The following DYNC2H1 variants were observed in gnomAD, a reference collection of about 807,000 sequenced individuals.
DYNC2H1 encodes the protein cytoplasmic dynein 2 heavy chain 1.
DYNC2H1 carries 410 observed loss-of-function variants against 570.0 expected under a neutral mutation model. The ratio of observed to expected loss-of-function variants is 0.72; its 90% CI spans 0.66 to 0.78. The LOEUF is 0.78. Among genes scored for constraint, DYNC2H1 ranks in the 30% least tolerant of loss-of-function variants. The pLI, the probability that DYNC2H1 is intolerant of heterozygous loss-of-function variation, is 0.00. For missense variants in DYNC2H1, 4,865 were observed against 5,046.4 expected, an observed-to-expected ratio of 0.96 and a Z score of 1.09; for synonymous variants, 1,688 against 1,677.6, an observed-to-expected ratio of 1.01 and a Z score of -0.15.
At chr11:103,271,860 A>G (rs2135309504) in intron 70 of DYNC2H1, among the ~76,000 whole-genome samples, 1 of 152,332 alleles carries the variant, frequency 6.6e-6, no homozygotes, top group South Asian at 2.1e-4. Flanking sequence ...ATGCAAATCA[A>G]AACCACAATG....
Position 103,241,613 on chromosome 11 carries a change from T to C in DYNC2H1, c.9820-2080T>C, listed in dbSNP as rs1453750113. 5 of 1,330,868 alleles carry C rather than the reference T, an allele frequency of 3.8e-6. No individual in the cohort carries two copies. The African/African-American group carries it at 5.9e-5, about 16-fold the overall frequency. 82.4% of individuals were successfully genotyped at this position (1,330,868 alleles called of 1,614,324 possible). A position where few individuals can be genotyped will look rare whatever the true frequency, so the allele number is the denominator to read the frequency against. On this transcript the variant is annotated intron_variant, in intron 63 of 88. Coordinates refer to ENST00000375735, the MANE Select transcript of DYNC2H1 (RefSeq NM_001377.3). The surrounding 1 kb of genome is among the most constrained non-coding windows in gnomAD (Gnocchi z 5.1). ...TTAGGCAAAATGCAGAATTGTGAAA[T>C]GTGTGCTATTGAATGCTAGCATAAA... is the stretch of plus-strand genomic sequence containing the variant.
At chr11:103,389,640 A>G (rs1021274821) in intron 83 of DYNC2H1, among the ~76,000 whole-genome samples, 1 of 151,964 alleles carries the variant, frequency 6.6e-6, no homozygotes, top group African/African-American at 2.4e-5. Context: ...ATTTAGTGCT[A>G]TAAATTTCCC....
intron 84 of DYNC2H1, among the ~76,000 whole-genome samples, chr11:103,427,195 G>A (rs1205379221): frequency 6.6e-6 from 1 of 152,028 alleles, no homozygotes; most frequent in African/African-American, 2.4e-5. Flanking sequence ...CATGATATTG[G>A]CCTAAATGAA....
chr11:103,244,732 A>C lies in DYNC2H1; in HGVS notation c.9919-519A>C, dbSNP rs1485538274. Among the ~76,000 whole-genome samples the C allele has an allele frequency of 6.7e-6, 1 of 148,256 alleles. No individual in the cohort carries two copies. The highest frequency in any genetic ancestry group is 1.5e-5 in the Non-Finnish European group (1 of 67,218). On this transcript the variant is annotated intron_variant, in intron 64 of 88. Coordinates refer to ENST00000375735, the MANE Select transcript of DYNC2H1 (RefSeq NM_001377.3). This position sits in a 1 kb window ranked among gnomAD's most constrained non-coding sequence, Gnocchi z 4.3. ...TATACTATATATCTTATATACATATAAGTATATAAATATACTATATATATC... is the reference window on the plus strand; with the variant it reads ...TATACTATATATCTTATATACATATCAGTATATAAATATACTATATATATC...
At chr11:103,456,214 C>A in intron 86 of DYNC2H1, 61 bp from the exon 87 acceptor site, 1 of 1,274,614 alleles carries the variant, frequency 7.8e-7, no homozygotes, top group Admixed American at 2.1e-5. Context: ...TCTTCAGTTA[C>A]TCTTCATATT....
At chr11:103,143,448 C>T in intron 18 of DYNC2H1, 53 bp downstream of exon 18, 1 of 1,507,282 alleles carries the variant, frequency 6.6e-7, no homozygotes, top group South Asian at 1.4e-5. Context: ...TTGACATGGA[C>T]AGTAAGGGAG....
At position 103,111,695 on chromosome 11, in the gene DYNC2H1, T is replaced by A. The variant is rs988875474; in HGVS notation, c.196-1842T>A. ...TTTGAAAGTTGAAGGTAGAACTTTT[T>A]TTTTTTAAGTTAAAGCTATTACTAG... is the stretch of plus-strand genomic sequence containing the variant. On this transcript the variant is annotated intron_variant, in intron 1 of 88. Coordinates refer to ENST00000375735, the MANE Select transcript of DYNC2H1 (RefSeq NM_001377.3). Among the ~76,000 whole-genome samples, 8 of 152,352 alleles carry A rather than the reference T, an allele frequency of 5.3e-5. No individual in the cohort carries two copies. In the East Asian group the frequency reaches 1.5e-3, roughly 29 times the overall value.
intron 85 of DYNC2H1, among the ~76,000 whole-genome samples, chr11:103,452,274 A>C (rs1302925177): frequency 6.6e-6 from 1 of 152,118 alleles, no homozygotes; most frequent in Non-Finnish European, 1.5e-5. Flanking sequence ...GCATTTCATA[A>C]ATGTTTGCAA....
In DYNC2H1 at chr11:103,319,715, G is replaced by A. The variant is rs11225711; in HGVS notation, c.11726-1314G>A. ...AATTCGATAAAATATTTCACATAAT[G>A]GCTGCTGTTTCTGTTTTATAAGTTG... is the stretch of plus-strand genomic sequence containing the variant. On this transcript the variant is annotated intron_variant, in intron 80 of 88. Transcript: ENST00000375735. This position sits in a 1 kb window ranked among gnomAD's most constrained non-coding sequence, Gnocchi z 4.3. Among the ~76,000 whole-genome samples the A allele has an allele frequency of 0.17, 25,263 of 152,054 alleles. 2,298 individuals are homozygous for A. The highest frequency in any genetic ancestry group is 0.26 in the Admixed American group (3,914 of 15,282).
At chr11:103,434,379 T>G (rs1201303037) in intron 84 of DYNC2H1, among the ~76,000 whole-genome samples, 1 of 151,954 alleles carries the variant, frequency 6.6e-6, no homozygotes, top group Non-Finnish European at 1.5e-5. Context: ...TAAGATTTAT[T>G]GAAGCCCTAT....
chr11:103,186,481 A>T lies in DYNC2H1; in HGVS notation c.6873A>T (p.Gly2291=). Residue 2291 remains glycine (G), a synonymous_variant, in exon 42 of 89, where the codon GGA becomes GGT. Transcript: ENST00000375735. This position sits in a 1 kb window ranked among gnomAD's most constrained non-coding sequence, Gnocchi z 4.5. ...SDTKQPFILV[G]PEGCGKGMLL... ...CTAAACAGCCCTTTATTCTGGTAGG[A>T]CCAGAAGGATGTGGCAAAGGGTAAG... The T allele has an allele frequency of 2.5e-6, 4 of 1,611,352 alleles. No homozygotes were observed. Among genetic ancestry groups the T allele is most frequent in the Non-Finnish European group, 3.4e-6 (4 of 1,178,914 alleles).
At chr11:103,139,471 AC>A (rs1270237543) in intron 17 of DYNC2H1, among the ~76,000 whole-genome samples, 11 of 150,838 alleles carry the variant, frequency 7.3e-5, no homozygotes, top group African/African-American at 2.4e-4. Context: ...TTCGTTATGT[AC>A]CCCAGTAGTC....
At chr11:103,415,166 C>A (rs945863367) in intron 84 of DYNC2H1, among the ~76,000 whole-genome samples, 1 of 152,086 alleles carries the variant, frequency 6.6e-6, no homozygotes, top group Non-Finnish European at 1.5e-5. Context: ...AAAATTAATT[C>A]GAGATGGATT....
At chr11:103,416,327 AACT>A (rs1231261614) in intron 84 of DYNC2H1, among the ~76,000 whole-genome samples, 1 of 152,124 alleles carries the variant, frequency 6.6e-6, no homozygotes, top group Non-Finnish European at 1.5e-5. Flanking sequence ...AAAAAGAAAA[AACT>A]ACTTTTAAGT....
chr11:103,330,165 C>A (rs1017599578), intron 82 of DYNC2H1, among the ~76,000 whole-genome samples: 2 of 152,182 alleles, frequency 1.3e-5, no homozygotes, highest in African/African-American at 4.8e-5. Context: ...TAGAAAAAGT[C>A]CCACTGCCAC....
At position 103,358,265 on chromosome 11, in the gene DYNC2H1, T is replaced by G. The variant is rs1348151895; in HGVS notation, c.12062T>G (p.Leu4021Trp). Residue 4021 changes from leucine (L) to tryptophan (W), a missense_variant, in exon 83 of 89, where the codon TTG (leucine) becomes TGG (tryptophan). Physicochemically the swap from Leu to Trp is moderately conservative, Grantham distance 61. Coordinates refer to ENST00000375735, the MANE Select transcript of DYNC2H1 (RefSeq NM_001377.3). ...SSQVISQLRI[L>W]GRSITAGSKF... ...CAGGTTATTTCACAGTTGAGGATTT[T>G]GGGCAGATCCATAACAGCTGGTTCC... is the stretch of plus-strand genomic sequence containing the variant. 1.3e-6 allele frequency: 2 copies of G among 1,583,488 alleles called. No individual in the cohort carries two copies. The highest frequency in any genetic ancestry group is 1.7e-6 in the Non-Finnish European group (2 of 1,163,068).
intron 13 of DYNC2H1, among the ~76,000 whole-genome samples, chr11:103,132,382 A>T (rs1295483125): frequency 3.3e-5 from 5 of 151,608 alleles, no homozygotes; most frequent in African/African-American, 1.2e-4. Context: ...TCTGTTTTTC[A>T]CTAGTTTCAA....
chr11:103,292,975 A>G (rs1028655373), intron 75 of DYNC2H1, among the ~76,000 whole-genome samples: 3 of 152,234 alleles, frequency 2.0e-5, no homozygotes, highest in Admixed American at 1.3e-4. Context: ...ACACACCGCA[A>G]TTACAGTGTT....
chr11:103,313,724 GA>G (rs1867698643), intron 79 of DYNC2H1, among the ~76,000 whole-genome samples: 1 of 152,170 alleles, frequency 6.6e-6, no homozygotes, highest in African/African-American at 2.4e-5. Flanking sequence ...GGCATCAAAT[GA>G]AATAGTGTAT....
Sources: allele counts gnomAD v4.1 joint callset (sites outside exome capture counted in the v4.1 genomes callset), GRCh38; gene constraint gnomAD v4.1.1; non-coding constraint Gnocchi (gnomAD v3.1); transcripts MANE v1.5; gene names NCBI Gene and HGNC (gene_info 2026-07-23, HGNC 2026-07-21).